The following CRK variants were observed in gnomAD, a reference collection of about 807,000 sequenced individuals.
CRK encodes CRK proto-oncogene, adaptor protein, also known as adapter molecule crk.
CRK carries 4 observed loss-of-function variants against 29.8 expected under a neutral mutation model. That is an observed-to-expected ratio of 0.13 (90% CI 0.07 to 0.31). The LOEUF (loss-of-function observed/expected upper bound fraction) is 0.31. Ranked by LOEUF, CRK falls within the 10% of genes least tolerant of loss-of-function variation. The pLI is 1.00. For synonymous variants in CRK, 153 were observed against 164.9 expected (o/e 0.93, Z 0.55); for missense variants, 274 against 396.5 (o/e 0.69, Z 2.62).
At chr17:1,444,831 C>A (rs1186851256) in intron 1 of CRK, among the ~76,000 whole-genome samples, 2 of 84,172 alleles carry the variant, frequency 2.4e-5, no homozygotes, top group Admixed American at 2.8e-4. Flanking sequence ...AGAACTCCAT[C>A]TCAAAAGAAA....
Position 1,421,359 on chromosome 17 carries a change from C to T in CRK, c.*2154G>A, listed in dbSNP as rs1463752858. 7.9e-5 allele frequency: 12 copies of T among 152,226 alleles called. No individual in the cohort carries two copies. The allele number at this position is 152,226 out of a possible 1,614,324, so 9.4% of individuals were successfully genotyped here. On this transcript the variant is annotated 3_prime_UTR_variant, in exon 3 of 3. Transcript: ENST00000300574. Reference sequence around the variant, plus strand: ...TTCTACAAGTATTTTTGATGCCATACTTTCAGGAAAACAAGATTTAATGTG... The same window carrying T: ...TTCTACAAGTATTTTTGATGCCATATTTTCAGGAAAACAAGATTTAATGTG...
chr17:1,449,925 A>C (rs2074004422), intron 1 of CRK, among the ~76,000 whole-genome samples: 1 of 152,174 alleles, frequency 6.6e-6, no homozygotes, highest in Admixed American at 6.6e-5. Flanking sequence ...CCAGCTGCGC[A>C]CGGTGGCTCA....
rs2073731077 is a variant in CRK at position 1,422,104 on chromosome 17, G to A, written c.*1409C>T. 1 of 151,148 alleles carries A rather than the reference G, an allele frequency of 6.6e-6. No homozygotes were observed. The highest frequency in any genetic ancestry group is 1.5e-5 in the Non-Finnish European group (1 of 67,868). The allele number at this position is 151,148 out of a possible 1,614,324, so 9.4% of individuals were successfully genotyped here. On this transcript the variant is annotated 3_prime_UTR_variant, in exon 3 of 3. Coordinates refer to ENST00000300574, the MANE Select transcript of CRK (RefSeq NM_016823.4). Reference sequence around the variant, plus strand: ...TCTTCAACAGCATTACTCTCCCCATGAGAAATGAATAATACATAAGTAATT... The same window carrying A: ...TCTTCAACAGCATTACTCTCCCCATAAGAAATGAATAATACATAAGTAATT...
chr17:1,437,566 G>C (rs1412297141), intron 1 of CRK, among the ~76,000 whole-genome samples: 1 of 152,020 alleles, frequency 6.6e-6, no homozygotes, highest in Non-Finnish European at 1.5e-5. Flanking sequence ...TCTCATACTT[G>C]ATCAACGACG....
chr17:1,451,511 C>G (rs529700199), intron 1 of CRK, among the ~76,000 whole-genome samples: 1 of 151,980 alleles, frequency 6.6e-6, no homozygotes, highest in Admixed American at 6.6e-5. Context: ...GAATTACAGG[C>G]ATGAGCCACT....
At chr17:1,430,893 C>T (rs894013340) in intron 2 of CRK, among the ~76,000 whole-genome samples, 1 of 151,336 alleles carries the variant, frequency 6.6e-6, no homozygotes, top group East Asian at 2.0e-4. Context: ...CGGTGAAACC[C>T]CGTCTCTACT....
intron 1 of CRK, among the ~76,000 whole-genome samples, chr17:1,448,811 G>A (rs1247093207): frequency 6.6e-6 from 1 of 151,826 alleles, no homozygotes; most frequent in Non-Finnish European, 1.5e-5. Flanking sequence ...TCAGGCAGGT[G>A]CGGTGGCTCA....
chr17:1,435,437 G>C (rs1290359917), intron 2 of CRK, among the ~76,000 whole-genome samples: 1 of 147,280 alleles, frequency 6.8e-6, no homozygotes, highest in African/African-American at 2.5e-5. Context: ...GACTCAGTAA[G>C]GCCAGATAAA....
chr17:1,428,855 T>C (rs1369001032), intron 2 of CRK, among the ~76,000 whole-genome samples: 1 of 146,730 alleles, frequency 6.8e-6, no homozygotes, highest in Non-Finnish European at 1.5e-5. Flanking sequence ...TTCTCTCTCT[T>C]TTTTTTTTAG....
intron 1 of CRK, among the ~76,000 whole-genome samples, chr17:1,437,462 G>A (rs533102160): frequency 6.6e-6 from 1 of 152,134 alleles, no homozygotes; most frequent in South Asian, 2.1e-4. Context: ...CATCACATTT[G>A]GAAGCTGAAA....
chr17:1,428,797 C>T (rs530370718), intron 2 of CRK, among the ~76,000 whole-genome samples: 1 of 151,828 alleles, frequency 6.6e-6, no homozygotes, highest in South Asian at 2.1e-4. Flanking sequence ...GCTGGGATTA[C>T]AGGCGTGAGC....
At chr17:1,432,576 G>T (rs1047927397) in intron 2 of CRK, among the ~76,000 whole-genome samples, 6 of 150,580 alleles carry the variant, frequency 4.0e-5, no homozygotes, top group African/African-American at 1.5e-4. Context: ...AGGAGGTCGA[G>T]ACCATCCTGG....
chr17:1,429,261 G>A (rs755127568), intron 2 of CRK, among the ~76,000 whole-genome samples: 26 of 152,070 alleles, frequency 1.7e-4, no homozygotes, highest in Admixed American at 4.6e-4. Context: ...GGAGACTGAG[G>A]GGAGAGGAAC....
intron 1 of CRK, among the ~76,000 whole-genome samples, chr17:1,447,056 C>T (rs767452659): frequency 9.2e-5 from 14 of 152,130 alleles, no homozygotes; most frequent in Non-Finnish European, 2.1e-4. Flanking sequence ...GGCCATCAAG[C>T]TTCATTGATC....
chr17:1,423,523 T>C lies in CRK; in HGVS notation c.905A>G (p.Asp302Gly). ...ACTGTTGAACTATACTCAGCTGAAGTCCTCATCGGGATTCTGTTGATCCAG... is the reference window on the plus strand; with the variant it reads ...ACTGTTGAACTATACTCAGCTGAAGCCCTCATCGGGATTCTGTTGATCCAG... ...RLLDQQNPDE[D>G]FS Residue 302 changes from aspartate to glycine, a missense_variant, in exon 3 of 3, where the codon GAC becomes GGC. Coordinates refer to ENST00000300574, the MANE Select transcript of CRK (RefSeq NM_016823.4). 1 of 1,613,680 alleles carries C rather than the reference T, an allele frequency of 6.2e-7. No homozygotes were observed. The highest frequency in any genetic ancestry group is 8.5e-7 in the Non-Finnish European group (1 of 1,179,912).
intron 1 of CRK, among the ~76,000 whole-genome samples, chr17:1,447,494 G>A (rs2073984259): frequency 6.6e-6 from 1 of 151,894 alleles, no homozygotes; most frequent in Non-Finnish European, 1.5e-5. Flanking sequence ...CCTCCCTGAA[G>A]GTTTCATGAA....
chr17:1,451,095 G>A (rs1019045361), intron 1 of CRK, among the ~76,000 whole-genome samples: 13 of 147,850 alleles, frequency 8.8e-5, no homozygotes, highest in African/African-American at 2.8e-4. Flanking sequence ...GGGAGGCTGA[G>A]GTAGGAGAAT....
rs550999707 is a variant in CRK at position 1,445,072 on chromosome 17, T to C, written c.242-7917A>G. Among the ~76,000 whole-genome samples, 560 of 150,090 alleles carry C rather than the reference T, an allele frequency of 3.7e-3. 3 individuals carry two copies. Among genetic ancestry groups the C allele is most frequent in the Non-Finnish European group, 3.8e-3 (256 of 67,724 alleles). On this transcript the variant is annotated intron_variant, in intron 1 of 2. Coordinates refer to ENST00000300574, the MANE Select transcript of CRK (RefSeq NM_016823.4). ...CTGAGGCAGGAGAATGGCATGAACC[T>C]GGGAGGCAGAGCTTGCAGTGAGCCA...
rs753846735 is a variant in CRK, at chr17:1,436,750, G to T, written c.647C>A (p.Pro216Gln). ...GGGTTGGGCATAGGGCCCAGGCTCC[G>T]GCCCACCCAGTGGCTGTGGGTGGGA... ...EGSHPQPLGG[P>Q]EPGPYAQPSV... Residue 216 changes from proline (P) to glutamine (Q), a missense_variant, in exon 2 of 3, where the codon CCG (proline) becomes CAG (glutamine). Physicochemically the swap from Pro to Gln is moderately conservative, Grantham distance 76. Around this residue, in one of 3 missense-constraint regions of CRK, gnomAD observed 121 missense variants for 154.3 expected, o/e 0.78. Coordinates refer to ENST00000300574, the MANE Select transcript of CRK (RefSeq NM_016823.4). The T allele has an allele frequency of 2.5e-6, 4 of 1,592,790 alleles. No homozygotes were observed. The highest frequency in any genetic ancestry group is 3.4e-6 in the Non-Finnish European group (4 of 1,171,618).
Sources: gnomAD v4.1 joint callset for allele counts (sites outside exome capture counted in the v4.1 genomes callset) on GRCh38, gnomAD v4.1.1 for gene constraint, gnomAD v4.1.1 regional missense constraint, MANE v1.5 for transcripts, NCBI Gene and HGNC (gene_info 2026-07-23, HGNC 2026-07-21) for gene names.